Variants in PPIL1 observed in about 807,000 individuals in gnomAD.
The protein encoded by PPIL1 is peptidyl-prolyl cis-trans isomerase-like 1.
A neutral mutation model predicts 19.4 loss-of-function variants in PPIL1; 14 were observed. The ratio of observed to expected loss-of-function variants is 0.72; its 90% CI spans 0.48 to 1.13. PPIL1 has a LOEUF of 1.13. PPIL1 is among the 50% of genes most tolerant of loss of function. PPIL1 has a pLI of 0.00. For synonymous variants in PPIL1, 72 were observed against 73.6 expected (o/e 0.98, Z 0.11); for missense variants, 192 against 218.0 (o/e 0.88, Z 0.75).
At chr6:36,860,274 T>C (rs1179742758) in intron 2 of PPIL1, among the ~76,000 whole-genome samples, 1 of 151,950 alleles carries the variant, frequency 6.6e-6, no homozygotes, top group African/African-American at 2.4e-5. Context: ...GAGACCAGCC[T>C]AAGCAACATG....
intron 2 of PPIL1, among the ~76,000 whole-genome samples, chr6:36,868,114 T>C (rs1024445667): frequency 6.6e-6 from 1 of 152,134 alleles, no homozygotes; most frequent in African/African-American, 2.4e-5. Flanking sequence ...CTATGGATGA[T>C]TCAAGAGAAG....
intron 2 of PPIL1, among the ~76,000 whole-genome samples, chr6:36,869,675 G>A (rs546756463): frequency 4.6e-5 from 7 of 152,240 alleles, no homozygotes; most frequent in Admixed American, 6.5e-5. Context: ...ACACTGAAAC[G>A]TAGGACCCAC....
At chr6:36,871,931 T>C in intron 1 of PPIL1, 59 bp from the exon 2 acceptor site, 1 of 1,425,428 alleles carries the variant, frequency 7.0e-7, no homozygotes, top group Non-Finnish European at 9.4e-7. Flanking sequence ...GACAGGAGTA[T>C]TATGGAACTG....
intron 1 of PPIL1, among the ~76,000 whole-genome samples, chr6:36,872,392 C>T (rs1019886756): frequency 3.3e-5 from 5 of 151,886 alleles, no homozygotes; most frequent in Admixed American, 2.6e-4. Flanking sequence ...AATACATTAC[C>T]TATTCAAAAA....
chr6:36,862,366 C>G (rs1211058079), intron 2 of PPIL1, among the ~76,000 whole-genome samples: 2 of 135,050 alleles, frequency 1.5e-5, no homozygotes, highest in African/African-American at 5.3e-5. Context: ...TCCTCCTCCA[C>G]AGCCTGCCTC....
intron 2 of PPIL1, among the ~76,000 whole-genome samples, chr6:36,859,512 T>C (rs997272434): frequency 2.2e-4 from 33 of 149,758 alleles, no homozygotes; most frequent in African/African-American, 7.6e-4. Context: ...CTTTACTCAA[T>C]AGGCAGAGTT....
At chr6:36,874,008 G>C (rs924219608) in intron 1 of PPIL1, among the ~76,000 whole-genome samples, 5 of 152,186 alleles carry the variant, frequency 3.3e-5, no homozygotes, top group East Asian at 1.9e-4. Context: ...GGAATGAATA[G>C]AGCTAAAGGA....
At position 36,856,933 on chromosome 6, in the gene PPIL1, G is replaced by T. The variant is rs367845184; in HGVS notation, c.212-279C>A. On this transcript the variant is annotated intron_variant, in intron 2 of 3. Coordinates refer to ENST00000373699, the MANE Select transcript of PPIL1 (RefSeq NM_016059.5). Reference sequence around the variant, plus strand: ...CACTATCAAAAAGGTAGAAAACATAGAACATTATCAAAAGAACATTAAAAT... The same window carrying T: ...CACTATCAAAAAGGTAGAAAACATATAACATTATCAAAAGAACATTAAAAT... 2.6e-5 allele frequency among the ~76,000 whole-genome samples: 4 copies of T among 152,284 alleles called. 1 individual carries two copies. Among genetic ancestry groups the T allele is most frequent in the Non-Finnish European group, 1.5e-5 (1 of 68,020 alleles).
At chr6:36,858,231 C>CAAAAAA (rs55719434) in intron 2 of PPIL1, among the ~76,000 whole-genome samples, 9 of 68,174 alleles carry the variant, frequency 1.3e-4, no homozygotes, top group Non-Finnish European at 2.1e-4. Flanking sequence ...AAGACTGTCT[C>CAAAAAA]AAAAAAAAAA....
At chr6:36,856,057 A>G in intron 3 of PPIL1, 24 bp from the exon 4 acceptor site, 2 of 1,605,144 alleles carry the variant, frequency 1.2e-6, no homozygotes, top group South Asian at 1.1e-5. Context: ...GGAAGAAAGG[A>G]AAGAGTATAA....
At chr6:36,862,959 T>C (rs558782891) in intron 2 of PPIL1, among the ~76,000 whole-genome samples, 1 of 152,258 alleles carries the variant, frequency 6.6e-6, no homozygotes, top group Non-Finnish European at 1.5e-5. Context: ...CCCCACCAAT[T>C]ACTGTTTAAC....
chr6:36,871,473 GA>G (rs1774509183), intron 2 of PPIL1, among the ~76,000 whole-genome samples: 1 of 152,150 alleles, frequency 6.6e-6, no homozygotes, highest in Non-Finnish European at 1.5e-5. Context: ...TGTAAGTTAT[GA>G]AAAACTCTAC....
chr6:36,857,816 T>C (rs1490594765), intron 2 of PPIL1, among the ~76,000 whole-genome samples: 3 of 151,944 alleles, frequency 2.0e-5, no homozygotes, highest in Non-Finnish European at 2.9e-5. Flanking sequence ...TGAAGAAACA[T>C]GGGATTGGGA....
chr6:36,857,809 A>T (rs1261146868), intron 2 of PPIL1, among the ~76,000 whole-genome samples: 1 of 152,188 alleles, frequency 6.6e-6, no homozygotes, highest in Non-Finnish European at 1.5e-5. Flanking sequence ...GGGAAAATGA[A>T]GAAACATGGG....
chr6:36,862,285 A>C (rs1367525315), intron 2 of PPIL1, among the ~76,000 whole-genome samples: 1 of 152,054 alleles, frequency 6.6e-6, no homozygotes, highest in Non-Finnish European at 1.5e-5. Flanking sequence ...CTGACCAATC[A>C]AAGCCTCTCT....
chr6:36,855,890 C>T lies in PPIL1; in HGVS notation c.424G>A (p.Val142Met), dbSNP rs775079812. ...TGGGAGTTTGTTTCTACCATTCCCA[C>T]GCGATTCACCATTCCTATGCCCTGA... ...VCQGIGMVNR[V>M]GMVETNSQDR... The change falls in exon 4 of 4, where the codon GTG (valine) becomes ATG (methionine). Residue 142 changes from valine (V) to methionine (M), a missense_variant. Val to Met is a conservative substitution (Grantham distance 21). Transcript: ENST00000373699. The T allele has an allele frequency of 6.8e-6, 11 of 1,614,026 alleles. No homozygotes were observed. The highest frequency in any genetic ancestry group is 4.0e-5 in the African/African-American group (3 of 74,906).
chr6:36,866,096 T>C (rs900220717), intron 2 of PPIL1, among the ~76,000 whole-genome samples: 1 of 152,198 alleles, frequency 6.6e-6, no homozygotes, highest in Non-Finnish European at 1.5e-5. Flanking sequence ...TGACAGGATG[T>C]TATGTCTTAC....
At position 36,855,856 on chromosome 6, in the gene PPIL1, G is replaced by C; in HGVS notation, c.458C>G (p.Pro153Arg). Reference sequence around the variant, plus strand: ...CTTAATGATCTTCACGTCGTCCACAGGGCGGTCCTGGGAGTTTGTTTCTAC... The same window carrying C: ...CTTAATGATCTTCACGTCGTCCACACGGCGGTCCTGGGAGTTTGTTTCTAC... ...GMVETNSQDRPVDDVKIIKAY... is the reference protein window; with the variant it reads ...GMVETNSQDRRVDDVKIIKAY... Residue 153 changes from proline to arginine, a missense_variant, in exon 4 of 4, where the codon CCT becomes CGT. Coordinates refer to ENST00000373699, the MANE Select transcript of PPIL1 (RefSeq NM_016059.5). The C allele has an allele frequency of 6.2e-7, 1 of 1,614,108 alleles. No homozygotes were observed. Among genetic ancestry groups the C allele is most frequent in the Non-Finnish European group, 8.5e-7 (1 of 1,180,008 alleles).
intron 2 of PPIL1, among the ~76,000 whole-genome samples, chr6:36,860,499 T>C (rs1269368413): frequency 6.6e-6 from 1 of 152,162 alleles, no homozygotes; most frequent in Non-Finnish European, 1.5e-5. Flanking sequence ...GGATCATTTA[T>C]TCAATGTATT....
Sources: allele counts gnomAD v4.1 joint callset (sites outside exome capture counted in the v4.1 genomes callset), GRCh38; gene constraint gnomAD v4.1.1; transcripts MANE v1.5; gene names NCBI Gene and HGNC (gene_info 2026-07-23, HGNC 2026-07-21).